Variants in LGR4 observed in about 807,000 individuals in gnomAD.
LGR4 encodes leucine-rich repeat-containing G protein-coupled receptor 4.
LGR4 carries 44 observed loss-of-function variants against 84.8 expected under a neutral mutation model. The observed-to-expected ratio is 0.52, with a 90% CI of 0.41 to 0.67. The LOEUF is 0.67. Among genes scored for constraint, LGR4 ranks in the 30% least tolerant of loss-of-function variants. LGR4 has a pLI of 0.00. For synonymous variants in LGR4, 429 were observed against 434.3 expected, an observed-to-expected ratio of 0.99 and a Z score of 0.15; for missense variants, 1,032 against 1,131.4, an observed-to-expected ratio of 0.91 and a Z score of 1.26.
intron 2 of LGR4, among the ~76,000 whole-genome samples, chr11:27,403,639 T>C (rs1237132278): frequency 2.0e-5 from 3 of 152,192 alleles, no homozygotes; most frequent in African/African-American, 7.2e-5. Context: ...GAGTCTATTT[T>C]TTAAAGGAAA....
intron 1 of LGR4, among the ~76,000 whole-genome samples, chr11:27,454,469 A>G (rs1354853826): frequency 6.6e-6 from 1 of 152,186 alleles, no homozygotes; most frequent in Non-Finnish European, 1.5e-5. Context: ...TTGAATAAAT[A>G]AAATTATTGG....
intron 15 of LGR4, 39 bp downstream of exon 15, chr11:27,373,512 C>T (rs769390853): frequency 1.3e-6 from 2 of 1,501,198 alleles, no homozygotes; most frequent in South Asian, 2.9e-5. Flanking sequence ...TGGAGCCTAC[C>T]ATAACTTCAA....
chr11:27,370,566 CTG>C (rs1281944302), intron 17 of LGR4, among the ~76,000 whole-genome samples: 1 of 151,920 alleles, frequency 6.6e-6, no homozygotes. Flanking sequence ...ACATCAGTGT[CTG>C]TGTGTTACTA....
rs775198460 is a variant in LGR4 at position 27,368,385 on chromosome 11, C to T, written c.2338G>A (p.Glu780Lys). ...PLITAISISP[E>K]IMKSVTLIFF... ...ATCAGAGTAACAGACTTCATTATTT[C>T]GGGGCTGATAGAGATTGCAGTGATC... The change falls in exon 18 of 18, where the codon GAA (glutamate) becomes AAA (lysine). Residue 780 changes from glutamate to lysine, a missense_variant. Glu to Lys is a moderately conservative substitution (Grantham distance 56). Coordinates refer to ENST00000379214, the MANE Select transcript of LGR4 (RefSeq NM_018490.5). 1.1e-5 allele frequency: 17 copies of T among 1,613,458 alleles called. No individual in the cohort carries two copies. The African/African-American group carries it at 1.2e-4, about 11-fold the overall frequency.
At chr11:27,461,735 G>A (rs543193799) in intron 1 of LGR4, among the ~76,000 whole-genome samples, 1 of 151,420 alleles carries the variant, frequency 6.6e-6, no homozygotes, top group South Asian at 2.1e-4. Flanking sequence ...CCAAAAGATT[G>A]GACACCCCTG....
chr11:27,369,216 G>A (rs1014136174), intron 17 of LGR4, 73 bp from the exon 18 acceptor site: 2 of 1,207,656 alleles, frequency 1.7e-6, no homozygotes, highest in East Asian at 2.5e-5. Flanking sequence ...GATATGGCTT[G>A]ATAGAAAAAC....
rs1480966678 is a variant in LGR4 at position 27,412,858 on chromosome 11, T to C, written c.188A>G (p.Asp63Gly). Residue 63 changes from aspartate (D) to glycine (G), a missense_variant and splice_region_variant, in exon 2 of 18, where the codon GAT becomes GGT. Physicochemically the swap from Asp to Gly is moderately conservative, Grantham distance 94. Coordinates refer to ENST00000379214, the MANE Select transcript of LGR4 (RefSeq NM_018490.5). The part of the protein sequence containing the change: ...EGLSAFTQAL[D>G]ISMNNITQLP... Reference sequence around the variant, plus strand: ...CTGAGTAATGTTGTTCATACTGATATCCCTGGAAAACGTAAAGTTAAGAAT... The same window carrying C: ...CTGAGTAATGTTGTTCATACTGATACCCCTGGAAAACGTAAAGTTAAGAAT... 6 of 1,595,282 alleles carry C rather than the reference T, an allele frequency of 3.8e-6. No homozygotes were observed. Among genetic ancestry groups the C allele is most frequent in the Non-Finnish European group, 5.2e-6 (6 of 1,163,626 alleles).
chr11:27,456,122 C>T (rs1280674107), intron 1 of LGR4, among the ~76,000 whole-genome samples: 2 of 152,114 alleles, frequency 1.3e-5, no homozygotes, highest in Non-Finnish European at 2.9e-5. Context: ...AAGAAGACAA[C>T]CTTTAGAATC....
At chr11:27,459,411 G>A (rs1006656962) in intron 1 of LGR4, among the ~76,000 whole-genome samples, 11 of 152,102 alleles carry the variant, frequency 7.2e-5, no homozygotes, top group African/African-American at 2.7e-4. Flanking sequence ...GGATGTCACA[G>A]CGGGGGGTTT....
At chr11:27,441,326 GC>G (rs1864301028) in intron 1 of LGR4, among the ~76,000 whole-genome samples, 1 of 152,122 alleles carries the variant, frequency 6.6e-6, no homozygotes, top group Admixed American at 6.5e-5. Context: ...TAAGCAGTCA[GC>G]CTCTACTAGT....
intron 2 of LGR4, among the ~76,000 whole-genome samples, chr11:27,393,965 G>C (rs1863338610): frequency 6.8e-6 from 1 of 146,490 alleles, no homozygotes; most frequent in Non-Finnish European, 1.5e-5. Context: ...CGCGGGAAGG[G>C]GACAGAAAAG....
intron 4 of LGR4, among the ~76,000 whole-genome samples, chr11:27,387,874 A>G (rs1404789499): frequency 6.6e-6 from 1 of 152,182 alleles, no homozygotes; most frequent in Non-Finnish European, 1.5e-5. Context: ...ATAGTATAAC[A>G]AGGAAAGTGG....
At chr11:27,396,860 T>A (rs1863400057) in intron 2 of LGR4, among the ~76,000 whole-genome samples, 2 of 152,192 alleles carry the variant, frequency 1.3e-5, no homozygotes, top group Admixed American at 6.5e-5. Flanking sequence ...GAAAGTGGTA[T>A]GGTTTTCTGT....
In LGR4 at chr11:27,472,288, T is replaced by C. The variant is rs1330483443; in HGVS notation, c.15A>G (p.Leu5=). 3 of 1,213,426 alleles carry C rather than the reference T, an allele frequency of 2.5e-6. No individual in the cohort carries two copies. The highest frequency in any genetic ancestry group is 1.0e-6 in the Non-Finnish European group (1 of 977,488). 75.2% of individuals were successfully genotyped at this position (1,213,426 alleles called of 1,614,324 possible). Residue 5 remains leucine (L), a synonymous_variant, in exon 1 of 18, where the codon CTA becomes CTG. Coordinates refer to ENST00000379214, the MANE Select transcript of LGR4 (RefSeq NM_018490.5). ...CCAGGGCGAGGAAGCAGAGCAGCCC[T>C]AGCGGGCCCGGCATTGCTGCGGCCG... MPGP[L]GLLCFLALGL...
At chr11:27,446,755 A>G (rs1421399585) in intron 1 of LGR4, among the ~76,000 whole-genome samples, 5 of 152,178 alleles carry the variant, frequency 3.3e-5, no homozygotes, top group Non-Finnish European at 7.3e-5. Flanking sequence ...TTGTGGCACT[A>G]TTCACAATAG....
chr11:27,437,654 A>C (rs1236450299), intron 1 of LGR4, among the ~76,000 whole-genome samples: 1 of 106,122 alleles, frequency 9.4e-6, no homozygotes, highest in African/African-American at 3.5e-5. Flanking sequence ...TCTCTTTTAA[A>C]GGACTAGTGT....
intron 1 of LGR4, among the ~76,000 whole-genome samples, chr11:27,431,298 C>A (rs1023460316): frequency 6.6e-6 from 1 of 152,174 alleles, no homozygotes; most frequent in Non-Finnish European, 1.5e-5. Flanking sequence ...GGGGTATTAA[C>A]AAACTTTCCA....
At position 27,465,632 on chromosome 11, in the gene LGR4, T is replaced by C. The variant is rs78115252; in HGVS notation, c.185+6486A>G. ...AAAGAGGTGTTTGAATACTAACTTG[T>C]TAGTCTTCGGAAAGTTGAGAAGTTA... On this transcript the variant is annotated intron_variant, in intron 1 of 17. Coordinates refer to ENST00000379214, the MANE Select transcript of LGR4 (RefSeq NM_018490.5). 7.6e-3 allele frequency among the ~76,000 whole-genome samples: 1,156 copies of C among 152,368 alleles called. 10 individuals are homozygous for C. Among genetic ancestry groups the C allele is most frequent in the Middle Eastern group, 0.044 (13 of 294 alleles).
At chr11:27,397,631 G>A (rs1341265333) in intron 2 of LGR4, among the ~76,000 whole-genome samples, 1 of 152,096 alleles carries the variant, frequency 6.6e-6, no homozygotes, top group African/African-American at 2.4e-5. Context: ...AAAGAACTAC[G>A]TGGCTAAAGT....
Sources: gnomAD v4.1 joint callset for allele counts (sites outside exome capture counted in the v4.1 genomes callset) on GRCh38, gnomAD v4.1.1 for gene constraint, MANE v1.5 for transcripts, NCBI Gene and HGNC (gene_info 2026-07-23, HGNC 2026-07-21) for gene names.